ACSS2: variants seen among roughly 807,000 people sequenced by gnomAD.
ACSS2 encodes acyl-CoA synthetase short chain family member 2, also known as acetyl-coenzyme A synthetase, cytoplasmic.
In ACSS2, 58 loss-of-function variants were observed where a neutral mutation model predicts 90.6. The observed-to-expected ratio is 0.64, with a 90% CI of 0.52 to 0.80. The LOEUF is 0.80. Among genes scored for constraint, ACSS2 ranks in the 30% least tolerant of loss-of-function variants. The probability of loss-of-function intolerance (pLI) is 0.00; values close to 1 mark genes in which losing one functional copy is unlikely to be tolerated. For synonymous variants in ACSS2, 300 were observed against 330.9 expected (o/e 0.91, Z 1.01); for missense variants, 759 against 912.0 (o/e 0.83, Z 2.16).
At chr20:34,924,064 G>A (rs953966304) in intron 14 of ACSS2, among the ~76,000 whole-genome samples, 2 of 152,180 alleles carry the variant, frequency 1.3e-5, no homozygotes, top group Non-Finnish European at 2.9e-5. Context: ...GAACTTTGAT[G>A]TATGAGGAAA....
chr20:34,905,434 G>A (rs1568983301), intron 2 of ACSS2, among the ~76,000 whole-genome samples: 1 of 151,688 alleles, frequency 6.6e-6, no homozygotes, highest in African/African-American at 2.4e-5. Context: ...CACCACCCCC[G>A]GCTAATTTTT....
chr20:34,916,387 T>C (rs1023037567), intron 7 of ACSS2, among the ~76,000 whole-genome samples: 1 of 152,226 alleles, frequency 6.6e-6, no homozygotes, highest in Non-Finnish European at 1.5e-5. Flanking sequence ...TCGGGTTTTG[T>C]CAATATATGT....
At position 34,921,435 on chromosome 20, in the gene ACSS2, C is replaced by T. The variant is rs150951175; in HGVS notation, c.1383C>T (p.Ile461=). 2.4e-5 allele frequency: 38 copies of T among 1,614,144 alleles called. No homozygotes were observed. The highest frequency in any genetic ancestry group is 9.3e-5 in the African/African-American group (7 of 75,036). The stretch of plus-strand genomic sequence containing the variant: ...TGGTAGGTGCCCAGCGCTGCCCCAT[C>T]GTGGACACCTTCTGGCAAACAGAGA... ...HRVVGAQRCP[I]VDTFWQTETG... is the part of the protein sequence containing the mutation. The change falls in exon 11 of 18, where the codon ATC becomes ATT. Residue 461 remains isoleucine (I), a synonymous_variant. Coordinates refer to ENST00000360596, the MANE Select transcript of ACSS2 (RefSeq NM_018677.4).
At chr20:34,903,879 A>C (rs923305085) in intron 2 of ACSS2, among the ~76,000 whole-genome samples, 3 of 151,678 alleles carry the variant, frequency 2.0e-5, no homozygotes, top group African/African-American at 7.3e-5. Flanking sequence ...TCAAAAAAAA[A>C]AAAAAAAAAA....
chr20:34,898,781 C>T (rs1010701162), intron 2 of ACSS2, among the ~76,000 whole-genome samples: 1 of 152,212 alleles, frequency 6.6e-6, no homozygotes, highest in African/African-American at 2.4e-5. Context: ...AGCTGCCTGC[C>T]AGTCCTGCGC....
chr20:34,919,576 A>T lies in ACSS2; in HGVS notation c.972+4A>T, dbSNP rs1449358232. ...TGGCTCCACAGGCAAACCCAAGGCA[A>T]GTGTGTGTGTGTGTGTGTGTGTGTG... is the stretch of plus-strand genomic sequence containing the variant. On this transcript the variant is annotated splice_donor_region_variant and intron_variant, in intron 8 of 17. Transcript: ENST00000360596. 2.0e-6 allele frequency: 3 copies of T among 1,474,002 alleles called. No individual in the cohort carries two copies. The highest frequency in any genetic ancestry group is 2.7e-6 in the Non-Finnish European group (3 of 1,093,978). 91.3% of individuals were successfully genotyped at this position (1,474,002 alleles called of 1,614,324 possible).
At chr20:34,905,561 A>T (rs1187507763) in intron 2 of ACSS2, among the ~76,000 whole-genome samples, 1 of 152,156 alleles carries the variant, frequency 6.6e-6, no homozygotes, top group Non-Finnish European at 1.5e-5. Flanking sequence ...TGCCTGGCCA[A>T]TTCAAAAGTT....
intron 2 of ACSS2, among the ~76,000 whole-genome samples, chr20:34,896,728 A>G (rs1428082084): frequency 6.6e-6 from 1 of 152,230 alleles, no homozygotes; most frequent in Non-Finnish European, 1.5e-5. Flanking sequence ...CTAGAAAAAA[A>G]TAAGTGCCCA....
intron 1 of ACSS2, among the ~76,000 whole-genome samples, chr20:34,880,266 G>A (rs906094934): frequency 3.3e-5 from 5 of 152,180 alleles, no homozygotes; most frequent in African/African-American, 1.2e-4. Flanking sequence ...TTTATGGGCT[G>A]GGCGTGGTGG....
At chr20:34,882,142 G>A (rs964616203) in intron 1 of ACSS2, among the ~76,000 whole-genome samples, 1 of 152,156 alleles carries the variant, frequency 6.6e-6, no homozygotes, top group Non-Finnish European at 1.5e-5. Context: ...GCTGAGTCCA[G>A]GAGTTTAAGA....
chr20:34,902,104 C>T (rs1385020567), intron 2 of ACSS2, among the ~76,000 whole-genome samples: 1 of 33,340 alleles, frequency 3.0e-5, no homozygotes, highest in Non-Finnish European at 9.6e-5. Flanking sequence ...GTCTACTTTT[C>T]CCCATAATGA....
At chr20:34,916,139 A>G (rs1277195342) in intron 7 of ACSS2, among the ~76,000 whole-genome samples, 1 of 152,204 alleles carries the variant, frequency 6.6e-6, no homozygotes, top group Non-Finnish European at 1.5e-5. Context: ...AGCATGGCGG[A>G]GACAGATCTG....
chr20:34,878,018 G>T (rs1374654037), intron 1 of ACSS2, among the ~76,000 whole-genome samples: 1 of 152,080 alleles, frequency 6.6e-6, no homozygotes, highest in East Asian at 1.9e-4. Flanking sequence ...ACTATAGCCT[G>T]CATCTCCTGG....
intron 2 of ACSS2, chr20:34,893,569 T>A (rs2080389177): frequency 6.9e-6 from 1 of 145,436 alleles, no homozygotes. Context: ...GTATTTTTAG[T>A]GGAGACGTGG....
chr20:34,919,715 T>C, intron 8 of ACSS2, 143 bp downstream of exon 8: 1 of 1,282,880 alleles, frequency 7.8e-7, no homozygotes, highest in Non-Finnish European at 1.1e-6. Context: ...GCATTGTCTT[T>C]TCTAAATCAA....
chr20:34,910,021 T>A (rs2080912440), intron 2 of ACSS2, among the ~76,000 whole-genome samples: 1 of 148,072 alleles, frequency 6.8e-6, no homozygotes, highest in Non-Finnish European at 1.5e-5. Context: ...CTGGCCAAAT[T>A]TTTTTTTTTT....
intron 2 of ACSS2, among the ~76,000 whole-genome samples, chr20:34,906,144 G>T (rs1454680123): frequency 6.6e-6 from 1 of 152,090 alleles, no homozygotes; most frequent in Non-Finnish European, 1.5e-5. Context: ...GACCATCCTG[G>T]CTAACACGGT....
intron 10 of ACSS2, 55 bp downstream of exon 10, chr20:34,921,194 G>C (rs370512284): frequency 1.2e-6 from 2 of 1,612,412 alleles, no homozygotes; most frequent in East Asian, 2.2e-5. Context: ...CTGGGTGCTG[G>C]CCTTTGTACA....
chr20:34,926,904 C>T lies in ACSS2; in HGVS notation c.1931C>T (p.Thr644Ile), dbSNP rs1183878646. 2 of 1,614,162 alleles carry T rather than the reference C, an allele frequency of 1.2e-6. No individual in the cohort carries two copies. Among genetic ancestry groups the T allele is most frequent in the Admixed American group, 1.7e-5 (1 of 60,026 alleles). ...QIREKIGPIA[T>I]PDYIQNAPGL... is the part of the protein sequence containing the mutation. The stretch of plus-strand genomic sequence containing the variant: ...AGAGAAAAGATTGGCCCCATTGCCA[C>T]ACCAGACTACATCCAGAATGCACCT... Residue 644 changes from threonine (T) to isoleucine (I), a missense_variant, in exon 17 of 18, where the codon ACA (threonine) becomes ATA (isoleucine). Thr to Ile is a moderately conservative substitution (Grantham distance 89). Transcript: ENST00000360596.
Sources: gnomAD v4.1 joint callset for allele counts (sites outside exome capture counted in the v4.1 genomes callset) on GRCh38, gnomAD v4.1.1 for gene constraint, MANE v1.5 for transcripts, NCBI Gene and HGNC (gene_info 2026-07-23, HGNC 2026-07-21) for gene names.